TPPP: variants seen among roughly 807,000 people sequenced by gnomAD.
The protein encoded by TPPP is tubulin polymerization-promoting protein.
Under a neutral mutation model 15.5 loss-of-function variants are expected in TPPP, and 6 were observed. The observed-to-expected ratio is 0.39, with a 90% CI of 0.21 to 0.77. The LOEUF (loss-of-function observed/expected upper bound fraction) is 0.77, where lower values mean the gene tolerates loss of function less well. Ranked by LOEUF, TPPP falls within the 30% of genes least tolerant of loss-of-function variation. The probability of loss-of-function intolerance (pLI) is 0.42; values close to 1 mark genes in which losing one functional copy is unlikely to be tolerated. For synonymous variants in TPPP, 146 were observed against 133.9 expected (o/e 1.09, Z -0.63); for missense variants, 269 against 307.2 (o/e 0.88, Z 0.93).
At position 665,123 on chromosome 5, in the gene TPPP, C is replaced by T; in HGVS notation, c.639G>A (p.Gln213=). The change falls in exon 4 of 4, where the codon CAG becomes CAA. Residue 213 remains glutamine, a synonymous_variant. Coordinates refer to ENST00000360578, the MANE Select transcript of TPPP (RefSeq NM_007030.3). ...SGYKHAGTYD[Q]KVQGGK ...GGGGCTACTTGCCCCCTTGCACCTT[C>T]TGGTCGTAGGTGCCTGCGTGCTTGT... 1 of 1,611,914 alleles carries T rather than the reference C, an allele frequency of 6.2e-7. No individual in the cohort carries two copies. Among genetic ancestry groups the T allele is most frequent in the Non-Finnish European group, 8.5e-7 (1 of 1,179,954 alleles).
intron 2 of TPPP, among the ~76,000 whole-genome samples, chr5:669,730 C>G (rs1247723487): frequency 6.6e-6 from 1 of 152,086 alleles, no homozygotes; most frequent in Admixed American, 6.5e-5. Context: ...TGCGCGCTCC[C>G]CGAGTGTCTC....
chr5:666,616 T>G (rs1739927159), intron 2 of TPPP, among the ~76,000 whole-genome samples: 1 of 151,382 alleles, frequency 6.6e-6, no homozygotes, highest in South Asian at 2.1e-4. Context: ...TCAGATGCCC[T>G]GGCTCCAAAA....
Position 665,002 on chromosome 5 carries a change from C to CT in TPPP, c.*99dup, listed in dbSNP as rs1416025849. 7 of 1,424,694 alleles carry CT rather than the reference C, an allele frequency of 4.9e-6. No homozygotes were observed. The highest frequency in any genetic ancestry group is 2.6e-4 in the Middle Eastern group (1 of 3,892). 88.3% of individuals were successfully genotyped at this position (1,424,694 alleles called of 1,614,324 possible). A position where few individuals can be genotyped will look rare whatever the true frequency, so the allele number is the denominator to read the frequency against. The stretch of plus-strand genomic sequence containing the variant: ...CCCCAGCCCCCTCTGGGGCACCCGT[C>CT]TGAGTTCTGCCCCAGTTAGTACAGG... On this transcript the variant is annotated 3_prime_UTR_variant, in exon 4 of 4. Coordinates refer to ENST00000360578, the MANE Select transcript of TPPP (RefSeq NM_007030.3).
chr5:677,595 G>A lies in TPPP; in HGVS notation c.311+155C>T, dbSNP rs565567790. On this transcript the variant is annotated intron_variant, in intron 2 of 3. Transcript: ENST00000360578. ...CTGGGGGCCCAGATGGCACGTTCAG[G>A]CTCCCATGTCAGGGCTGCTTCTGAG... 9.2e-5 allele frequency among the ~76,000 whole-genome samples: 14 copies of A among 152,112 alleles called. No individual in the cohort carries two copies. In the South Asian group the frequency reaches 2.5e-3, roughly 27 times the overall value.
At chr5:672,236 C>T (rs1305453503) in intron 2 of TPPP, among the ~76,000 whole-genome samples, 2 of 152,160 alleles carry the variant, frequency 1.3e-5, no homozygotes, top group East Asian at 3.9e-4. Context: ...GCTCAGCAGC[C>T]CTCCACGCTC....
rs902866096 is a variant in TPPP at position 665,792 on chromosome 5, C to T, written c.465+178G>A. On this transcript the variant is annotated intron_variant, in intron 3 of 3. Transcript: ENST00000360578. ...ATGCCCCATTCATGCCCCTTCTGAC[C>T]ACACCTCCTCAGACCCCACACCAGG... The T allele has an allele frequency of 1.5e-5, 11 of 726,300 alleles. No individual in the cohort carries two copies. In the African/African-American group the frequency reaches 1.8e-4, roughly 12 times the overall value. 45.0% of individuals were successfully genotyped at this position (726,300 alleles called of 1,614,324 possible).
At chr5:666,505 T>C (rs955840264) in intron 2 of TPPP, among the ~76,000 whole-genome samples, 2 of 152,190 alleles carry the variant, frequency 1.3e-5, no homozygotes, top group East Asian at 3.9e-4. Flanking sequence ...GCTCTGCCTG[T>C]GTGTGTTGGG....
At chr5:694,367 C>T (rs1358362979), upstream of TPPP, among the ~76,000 whole-genome samples, 1 of 128,588 alleles carries the variant, frequency 7.8e-6, no homozygotes, top group African/African-American at 2.5e-5. Context: ...TGGTGACTTT[C>T]AGCTGGACTC....
At chr5:698,725 G>A in the TPPP span, among the ~76,000 whole-genome samples, 2 of 152,028 alleles carry the variant, frequency 1.3e-5, no homozygotes, top group South Asian at 4.2e-4. Flanking sequence ...GGAATTATGG[G>A]AGCTACAATT....
At position 680,634 on chromosome 5, in the gene TPPP, C is replaced by G. The variant is rs1579193453; in HGVS notation, c.-4-2570G>C. ...GGAACCCGTCCCAACTCAGCCCCAG[C>G]CTTTCTGCACCAAGGGGTGGAGCAG... On this transcript the variant is annotated intron_variant, in intron 1 of 3. Transcript: ENST00000360578. Among the ~76,000 whole-genome samples the G allele has an allele frequency of 2.0e-5, 3 of 151,014 alleles. No individual in the cohort carries two copies. In the East Asian group the frequency reaches 5.9e-4, roughly 30 times the overall value.
intron 1 of TPPP, 38 bp from the exon 2 acceptor site, chr5:678,102 C>A: frequency 1.4e-6 from 2 of 1,460,802 alleles, no homozygotes; most frequent in East Asian, 5.0e-5. Context: ...TCACCCGGGC[C>A]ATGTCCCAGC....
Position 669,722 on chromosome 5 carries a change from C to T in TPPP, c.312-3599G>A, listed in dbSNP as rs534310498. ...CATTCAGATCCGGACACCTGCTCTG[C>T]GCGCTCCCCGAGTGTCTCGGGGAAA... On this transcript the variant is annotated intron_variant, in intron 2 of 3. Coordinates refer to ENST00000360578, the MANE Select transcript of TPPP (RefSeq NM_007030.3). Among the ~76,000 whole-genome samples the T allele has an allele frequency of 3.9e-5, 6 of 152,162 alleles. No individual in the cohort carries two copies. In the East Asian group the frequency reaches 5.9e-4, roughly 15 times the overall value.
rs1739630576 is a variant in TPPP, at chr5:661,955, A to C, written c.*3147T>G. The C allele has an allele frequency of 6.6e-6, 1 of 152,184 alleles. No homozygotes were observed. Among genetic ancestry groups the C allele is most frequent in the African/African-American group, 2.4e-5 (1 of 41,378 alleles). The allele number at this position is 152,184 out of a possible 1,614,324, so 9.4% of individuals were successfully genotyped here. On this transcript the variant is annotated 3_prime_UTR_variant, in exon 4 of 4. Coordinates refer to ENST00000360578, the MANE Select transcript of TPPP (RefSeq NM_007030.3). ...GTGGGCACCAACCCTGGAAGTGTGG[A>C]GGGAGAGTGGGGGCGTGGGGCCTCT...
At chr5:668,397 T>TGCAGATGGA (rs1561082205) in intron 2 of TPPP, among the ~76,000 whole-genome samples, 2 of 99,360 alleles carry the variant, frequency 2.0e-5, no homozygotes, top group Admixed American at 9.6e-5. Context: ...GTCAGGGAAG[T>TGCAGATGGA]ACCGACAAGC....
intron 2 of TPPP, among the ~76,000 whole-genome samples, chr5:668,354 C>G (rs1184549654): frequency 9.1e-6 from 1 of 109,936 alleles, no homozygotes; most frequent in East Asian, 2.3e-4. Context: ...GAAGTGCGGA[C>G]AAGCACACTG....
chr5:677,068 CGCACACGT>C (rs1488593319), intron 2 of TPPP, among the ~76,000 whole-genome samples: 3 of 152,082 alleles, frequency 2.0e-5, no homozygotes, highest in South Asian at 4.1e-4. Flanking sequence ...CACAGAAACG[CGCACACGT>C]GCACACGACG....
chr5:673,712 C>T (rs1740302764), intron 2 of TPPP, among the ~76,000 whole-genome samples: 1 of 152,224 alleles, frequency 6.6e-6, no homozygotes, highest in Admixed American at 6.5e-5. Flanking sequence ...GGTCCCCGGC[C>T]CCACACTGGG....
At chr5:674,962 G>C (rs1740352623) in intron 2 of TPPP, among the ~76,000 whole-genome samples, 1 of 150,028 alleles carries the variant, frequency 6.7e-6, no homozygotes, top group South Asian at 2.1e-4. Flanking sequence ...GTGCAGCCCT[G>C]AGAGTCAGTC....
At chr5:668,644 T>G (rs970535709) in intron 2 of TPPP, among the ~76,000 whole-genome samples, 5 of 152,030 alleles carry the variant, frequency 3.3e-5, no homozygotes, top group South Asian at 2.1e-4. Flanking sequence ...GTGGACAGCT[T>G]CTCATCACAG....
Sources: allele counts gnomAD v4.1 joint callset (sites outside exome capture counted in the v4.1 genomes callset), GRCh38; gene constraint gnomAD v4.1.1; transcripts MANE v1.5; gene names NCBI Gene and HGNC (gene_info 2026-07-23, HGNC 2026-07-21).